The following PRKG1 variants were observed in gnomAD, a reference collection of about 807,000 sequenced individuals.
PRKG1 encodes protein kinase cGMP-dependent 1, also known as cGMP-dependent protein kinase 1.
PRKG1 carries 35 observed loss-of-function variants against 88.1 expected under a neutral mutation model. The ratio of observed to expected loss-of-function variants is 0.40; its 90% CI spans 0.30 to 0.53. PRKG1 has a LOEUF of 0.53. Ranked by LOEUF, PRKG1 falls within the 20% of genes least tolerant of loss-of-function variation. The pLI, the probability that PRKG1 is intolerant of heterozygous loss-of-function variation, is 0.59. For missense variants in PRKG1, 540 were observed against 839.8 expected (o/e 0.64, Z 4.41); for synonymous variants, 303 against 292.5 (o/e 1.04, Z -0.37).
intron 1 of PRKG1, among the ~76,000 whole-genome samples, chr10:51,043,789 T>C (rs1233226972): frequency 1.3e-5 from 2 of 152,152 alleles, no homozygotes; most frequent in South Asian, 4.2e-4. Context: ...AGTGAGTGAA[T>C]GTTGAAATTT....
intron 8 of PRKG1, among the ~76,000 whole-genome samples, chr10:52,147,827 A>G (rs1412722114): frequency 5.3e-5 from 8 of 152,190 alleles, no homozygotes; most frequent in Non-Finnish European, 8.8e-5. Flanking sequence ...GGTAGGTGAT[A>G]ATGCCATTAG....
chr10:51,258,888 A>T (rs1839632379), intron 2 of PRKG1, among the ~76,000 whole-genome samples: 1 of 152,194 alleles, frequency 6.6e-6, no homozygotes, highest in African/African-American at 2.4e-5. Flanking sequence ...GGATCTCAAG[A>T]AAGAGTGAGT....
intron 3 of PRKG1, among the ~76,000 whole-genome samples, chr10:51,724,869 CTTTTT>C (rs556620255): frequency 1.8e-5 from 2 of 110,756 alleles, no homozygotes; most frequent in South Asian, 6.0e-4. Flanking sequence ...AATTTTTGTA[CTTTTT>C]TTTTTTTTTT....
chr10:51,473,005 G>A (rs948981563), intron 3 of PRKG1, among the ~76,000 whole-genome samples: 5 of 151,942 alleles, frequency 3.3e-5, no homozygotes, highest in Admixed American at 3.3e-4. Flanking sequence ...GGATAGTTAA[G>A]TGACTTCCCA....
chr10:52,007,378 G>A (rs116054483), intron 5 of PRKG1, among the ~76,000 whole-genome samples: 1,980 of 139,410 alleles, frequency 0.014, 46 homozygotes, highest in African/African-American at 0.049. Context: ...GTCTTCAAGA[G>A]ACCCACCTCA....
At chr10:51,500,932 A>T (rs1458999042) in intron 3 of PRKG1, among the ~76,000 whole-genome samples, 1 of 152,212 alleles carries the variant, frequency 6.6e-6, no homozygotes, top group African/African-American at 2.4e-5. Context: ...ATGCAAAAGT[A>T]ATTGTGTTTT....
intron 2 of PRKG1, among the ~76,000 whole-genome samples, chr10:51,301,058 T>C (rs187822140): frequency 3.3e-5 from 5 of 152,298 alleles, no homozygotes; most frequent in African/African-American, 1.2e-4. Flanking sequence ...CTCATGTCGG[T>C]GACAGCACAA....
chr10:51,351,256 T>G (rs1357624264), intron 2 of PRKG1, among the ~76,000 whole-genome samples: 1 of 152,186 alleles, frequency 6.6e-6, no homozygotes, highest in Non-Finnish European at 1.5e-5. Context: ...TGATTTATAA[T>G]CCTTTGGGTA....
intron 3 of PRKG1, among the ~76,000 whole-genome samples, chr10:51,740,953 T>A (rs955977018): frequency 1.3e-5 from 2 of 151,734 alleles, no homozygotes; most frequent in African/African-American, 4.8e-5. Flanking sequence ...ATCAAGAGAT[T>A]TGAGAGTTTT....
At chr10:51,397,999 T>G (rs1837627274) in intron 2 of PRKG1, among the ~76,000 whole-genome samples, 1 of 152,174 alleles carries the variant, frequency 6.6e-6, no homozygotes. Flanking sequence ...CCCTTGAATG[T>G]GTAATTATTG....
intron 2 of PRKG1, among the ~76,000 whole-genome samples, chr10:51,281,787 A>AAATG (rs1283737810): frequency 1.7e-3 from 254 of 152,278 alleles, no homozygotes; most frequent in African/African-American, 5.8e-3. Context: ...TATGGACCAG[A>AAATG]TTGTGAAGGG....
intron 1 of PRKG1, among the ~76,000 whole-genome samples, chr10:51,004,182 G>A (rs1447837402): frequency 1.3e-5 from 2 of 152,090 alleles, no homozygotes; most frequent in Non-Finnish European, 2.9e-5. Flanking sequence ...AATGTATACT[G>A]GCCGGGCACG....
intron 8 of PRKG1, among the ~76,000 whole-genome samples, chr10:52,153,468 C>T (rs1287465709): frequency 6.6e-6 from 1 of 152,190 alleles, no homozygotes; most frequent in Non-Finnish European, 1.5e-5. Context: ...ATTCTGACTG[C>T]AATTGGTACA....
At position 51,727,505 on chromosome 10, in the gene PRKG1, G is replaced by T. The variant is rs192809545; in HGVS notation, c.593-77080G>T. On this transcript the variant is annotated intron_variant, in intron 3 of 17. Transcript: ENST00000373980. ...CTATTGAAATTAATGTTTTGCTTTT[G>T]CCAGCTGCATAGAAATTTCTCCGAG... 1.4e-3 allele frequency among the ~76,000 whole-genome samples: 219 copies of T among 152,130 alleles called. 1 individual carries two copies. Among genetic ancestry groups the T allele is most frequent in the African/African-American group, 4.7e-3 (195 of 41,504 alleles).
At chr10:52,207,269 A>G (rs1839844524) in intron 9 of PRKG1, among the ~76,000 whole-genome samples, 2 of 152,028 alleles carry the variant, frequency 1.3e-5, no homozygotes, top group South Asian at 2.1e-4. Context: ...GAGAGGCTGT[A>G]TGCAGGCTAG....
chr10:52,039,926 T>C (rs1845714098), intron 5 of PRKG1, among the ~76,000 whole-genome samples: 1 of 152,134 alleles, frequency 6.6e-6, no homozygotes, highest in African/African-American at 2.4e-5. Flanking sequence ...AAATCCTAAA[T>C]GACTCTACCT....
chr10:51,462,396 A>G (rs915444252), intron 2 of PRKG1, among the ~76,000 whole-genome samples: 1 of 152,216 alleles, frequency 6.6e-6, no homozygotes, highest in Non-Finnish European at 1.5e-5. Flanking sequence ...TGAAAAACTC[A>G]TAAGGATAAA....
At chr10:51,141,623 T>A (rs1327337218) in intron 1 of PRKG1, among the ~76,000 whole-genome samples, 1 of 152,212 alleles carries the variant, frequency 6.6e-6, no homozygotes, top group African/African-American at 2.4e-5. Flanking sequence ...GACAAAGTTT[T>A]AAAGGACATA....
chr10:52,054,307 A>G (rs1370764842), intron 5 of PRKG1, among the ~76,000 whole-genome samples, 177 bp from the exon 6 acceptor site: 2 of 152,228 alleles, frequency 1.3e-5, no homozygotes, highest in African/African-American at 2.4e-5. Context: ...TAGAGATGAT[A>G]TCTTTGTCAT....
Sources: allele counts gnomAD v4.1 joint callset (sites outside exome capture counted in the v4.1 genomes callset), GRCh38; gene constraint gnomAD v4.1.1; transcripts MANE v1.5; gene names NCBI Gene and HGNC (gene_info 2026-07-23, HGNC 2026-07-21).